Variants in CD226 observed in about 807,000 individuals in gnomAD.
The protein encoded by CD226 is CD226 antigen.
Under a neutral mutation model 34.9 loss-of-function variants are expected in CD226, and 24 were observed. The ratio of observed to expected loss-of-function variants is 0.69; its 90% CI spans 0.50 to 0.97. CD226 has a LOEUF of 0.97. Ranked by LOEUF, CD226 falls within the 50% of genes least tolerant of loss-of-function variation. The pLI, the probability that CD226 is intolerant of heterozygous loss-of-function variation, is 0.00. For synonymous variants in CD226, 148 were observed against 147.4 expected (o/e 1.00, Z -0.03); for missense variants, 397 against 412.7 (o/e 0.96, Z 0.33).
Position 69,947,396 on chromosome 18 carries a change from G to C in CD226, c.11C>G (p.Pro4Arg). 1.9e-6 allele frequency: 3 copies of C among 1,586,676 alleles called. No homozygotes were observed. The highest frequency in any genetic ancestry group is 2.6e-6 in the Non-Finnish European group (3 of 1,168,470). Residue 4 changes from proline to arginine, a missense_variant, in exon 1 of 6, where the codon CCT becomes CGT. Pro to Arg is a moderately radical substitution (Grantham distance 103). Coordinates refer to ENST00000582621, the MANE Select transcript of CD226 (RefSeq NM_001303618.2). MDY[P>R]TLLLALLHVY... ...ATGAAGAAGAGCCAAAAGTAAAGTA[G>C]GATAATCCATCTCTGGAAACTGTTT...
At chr18:69,957,947 T>C (rs772760322), upstream of CD226, among the ~76,000 whole-genome samples, 1 of 152,222 alleles carries the variant, frequency 6.6e-6, no homozygotes, top group Non-Finnish European at 1.5e-5. Flanking sequence ...AGTCTTCTGC[T>C]CACTCCTAGC....
chr18:69,953,871 G>A (rs1305218605), intron 1 of CD226, among the ~76,000 whole-genome samples: 7 of 151,820 alleles, frequency 4.6e-5, no homozygotes, highest in East Asian at 1.9e-4. Flanking sequence ...GTGGTGGTGC[G>A]CAACTGTAAT....
intron 2 of CD226, among the ~76,000 whole-genome samples, chr18:69,924,936 A>G (rs1045611133): frequency 2.0e-5 from 3 of 152,238 alleles, no homozygotes; most frequent in African/African-American, 7.2e-5. Flanking sequence ...CAAGGACACT[A>G]AAGGGATTCG....
In CD226 at chr18:69,940,705, G is replaced by A. The variant is rs2055713465; in HGVS notation, c.382+6029C>T. Among the ~76,000 whole-genome samples the A allele has an allele frequency of 3.3e-5, 5 of 152,312 alleles. No homozygotes were observed. The South Asian group carries it at 1.0e-3, about 32-fold the overall frequency. ...TAAGGGGCAAAGCATTCAAGAGGAAGCAGAGCATAAAAAATTTGGAAAATT... is the reference window on the plus strand; with the variant it reads ...TAAGGGGCAAAGCATTCAAGAGGAAACAGAGCATAAAAAATTTGGAAAATT... On this transcript the variant is annotated intron_variant, in intron 2 of 5. Transcript: ENST00000582621.
chr18:69,954,098 A>G (rs369813936), intron 1 of CD226, among the ~76,000 whole-genome samples: 1 of 152,142 alleles, frequency 6.6e-6, no homozygotes, highest in African/African-American at 2.4e-5. Flanking sequence ...TTACTAGTGA[A>G]TAGTATGAGT....
intron 2 of CD226, among the ~76,000 whole-genome samples, chr18:69,912,850 T>C (rs781302119): frequency 6.6e-6 from 1 of 152,184 alleles, no homozygotes; most frequent in Non-Finnish European, 1.5e-5. Context: ...AATCAGTCTT[T>C]GGATCTAATC....
At chr18:69,867,326 AG>A in intron 5 of CD226, 30 bp downstream of exon 5, 1 of 1,491,648 alleles carries the variant, frequency 6.7e-7, no homozygotes, top group Non-Finnish European at 9.3e-7. Context: ...AAATTACAAA[AG>A]AAAAAAATGA....
rs1555680165 is a variant in CD226, at chr18:69,896,192, T to TTC, written c.383-148_383-147insGA. ...ACCTCTTTATACTACTTTTTTTTTT[T>TTC]TTTTCCTGAGACGGAGTCTTGCTCT... On this transcript the variant is annotated intron_variant, in intron 2 of 5. Coordinates refer to ENST00000582621, the MANE Select transcript of CD226 (RefSeq NM_001303618.2). 5.6e-6 allele frequency: 8 copies of TTC among 1,419,952 alleles called. No homozygotes were observed. The Admixed American group carries it at 2.0e-4, about 36-fold the overall frequency. 88.0% of individuals were successfully genotyped at this position (1,419,952 alleles called of 1,614,324 possible).
Position 69,947,695 on chromosome 18 carries a change from T to G in CD226, c.-289A>C, listed in dbSNP as rs1416723139. On this transcript the variant is annotated 5_prime_UTR_variant, in exon 1 of 6. It removes an upstream start codon present in the reference 5' UTR. Coordinates refer to ENST00000582621, the MANE Select transcript of CD226 (RefSeq NM_001303618.2). ...ATTCATTCAACAAACATGTGCTGCA[T>G]GCATTCTCTGTGCCTAACTCAGCTG... is the stretch of plus-strand genomic sequence containing the variant. The G allele has an allele frequency of 4.3e-5, 12 of 282,058 alleles. No homozygotes were observed. The highest frequency in any genetic ancestry group is 7.1e-5 in the Non-Finnish European group (11 of 154,504). The allele number at this position is 282,058 out of a possible 1,614,324, so 17.5% of individuals were successfully genotyped here. A position where few individuals can be genotyped will look rare whatever the true frequency, so the allele number is the denominator to read the frequency against.
chr18:69,902,339 C>T (rs1228167082), intron 2 of CD226, among the ~76,000 whole-genome samples: 1 of 152,030 alleles, frequency 6.6e-6, no homozygotes. Context: ...CCTGCTCGGC[C>T]TCACCCTTTC....
intron 2 of CD226, among the ~76,000 whole-genome samples, chr18:69,929,476 C>G (rs2055563318): frequency 6.6e-6 from 1 of 152,132 alleles, no homozygotes; most frequent in East Asian, 1.9e-4. Flanking sequence ...ATCTCCCTCA[C>G]AGGGACAATG....
rs1568147121 is a variant in CD226, at chr18:69,854,332, A to C, written c.*9982T>G. ...GAGCCATAAACTAGTATGAGCCTTT[A>C]TATGGTAAGTTGGGTGAATTGCTGG... On this transcript the variant is annotated 3_prime_UTR_variant, in exon 6 of 6. Coordinates refer to ENST00000582621, the MANE Select transcript of CD226 (RefSeq NM_001303618.2). The C allele has an allele frequency of 6.6e-6, 1 of 152,440 alleles. No individual in the cohort carries two copies. The highest frequency in any genetic ancestry group is 1.9e-4 in the East Asian group (1 of 5,186). The allele number at this position is 152,440 out of a possible 1,614,324, so 9.4% of individuals were successfully genotyped here. A position where few individuals can be genotyped will look rare whatever the true frequency, so the allele number is the denominator to read the frequency against.
chr18:69,950,073 CAT>C (rs1261684202), upstream of CD226, among the ~76,000 whole-genome samples: 3 of 151,996 alleles, frequency 2.0e-5, no homozygotes, highest in African/African-American at 4.8e-5. Context: ...CACTCACACA[CAT>C]GCACACACGC....
intron 3 of CD226, among the ~76,000 whole-genome samples, chr18:69,879,055 G>A (rs1984052920): frequency 6.6e-6 from 1 of 152,136 alleles, no homozygotes; most frequent in African/African-American, 2.4e-5. Flanking sequence ...TTTTCAAAGG[G>A]GAGGGAGTGT....
intron 2 of CD226, among the ~76,000 whole-genome samples, chr18:69,904,194 G>T (rs73464737): frequency 0.03 from 4,504 of 152,250 alleles, 111 homozygotes; most frequent in African/African-American, 0.071. Context: ...GGAAAGCCAG[G>T]CAAGGCCATT....
Position 69,858,874 on chromosome 18 carries a change from T to C in CD226, c.*5440A>G. On this transcript the variant is annotated 3_prime_UTR_variant, in exon 6 of 6. Transcript: ENST00000582621. ...CCTCCCAAGTAGCTGGGACTACAGGTGCGTGCCACCAGGCCTGGCTAATTT... is the reference window on the plus strand; with the variant it reads ...CCTCCCAAGTAGCTGGGACTACAGGCGCGTGCCACCAGGCCTGGCTAATTT... The C allele has an allele frequency of 6.6e-6, 1 of 151,774 alleles. No individual in the cohort carries two copies. The highest frequency in any genetic ancestry group is 1.5e-5 in the Non-Finnish European group (1 of 68,018). The allele number at this position is 151,774 out of a possible 1,614,324, so 9.4% of individuals were successfully genotyped here. A position where few individuals can be genotyped will look rare whatever the true frequency, so the allele number is the denominator to read the frequency against.
Position 69,938,434 on chromosome 18 carries a change from G to A in CD226, c.382+8300C>T, listed in dbSNP as rs563448251. ...GCCCCCATCCATTGGTACTTTCTTAGTTAACCCCATCCATCCACATGTGCT... is the reference window on the plus strand; with the variant it reads ...GCCCCCATCCATTGGTACTTTCTTAATTAACCCCATCCATCCACATGTGCT... On this transcript the variant is annotated intron_variant, in intron 2 of 5. Transcript: ENST00000582621. Among the ~76,000 whole-genome samples, 3 of 152,236 alleles carry A rather than the reference G, an allele frequency of 2.0e-5. No homozygotes were observed. The East Asian group carries it at 5.8e-4, about 29-fold the overall frequency.
At chr18:69,919,050 G>T (rs188172012) in intron 2 of CD226, among the ~76,000 whole-genome samples, 4 of 152,318 alleles carry the variant, frequency 2.6e-5, no homozygotes, top group Non-Finnish European at 5.9e-5. Context: ...TAATGTCACT[G>T]CCAGAGGACC....
chr18:69,940,853 C>A (rs1229959827), intron 2 of CD226, among the ~76,000 whole-genome samples: 1 of 152,214 alleles, frequency 6.6e-6, no homozygotes, highest in Non-Finnish European at 1.5e-5. Context: ...GGGAAAATGT[C>A]TCCAAGGCAT....
Sources: allele counts gnomAD v4.1 joint callset (sites outside exome capture counted in the v4.1 genomes callset), GRCh38; gene constraint gnomAD v4.1.1; transcripts MANE v1.5; gene names NCBI Gene and HGNC (gene_info 2026-07-23, HGNC 2026-07-21).